Variants in NKAIN3 observed in about 807,000 individuals in gnomAD.
The protein encoded by NKAIN3 is sodium/potassium transporting ATPase interacting 3, also known as sodium/potassium-transporting ATPase subunit beta-1-interacting protein 3.
In NKAIN3, 25 loss-of-function variants were observed where a neutral mutation model predicts 30.2. The ratio of observed to expected loss-of-function variants is 0.83; its 90% CI spans 0.60 to 1.16. The LOEUF (loss-of-function observed/expected upper bound fraction) is 1.16, where lower values mean the gene tolerates loss of function less well. Ranked by LOEUF, NKAIN3 falls within the 50% of genes most tolerant of loss-of-function variation. The pLI, the probability that NKAIN3 is intolerant of heterozygous loss-of-function variation, is 0.00. For missense variants in NKAIN3, 225 were observed against 254.1 expected, an observed-to-expected ratio of 0.89 and a Z score of 0.78; for synonymous variants, 91 against 89.6, an observed-to-expected ratio of 1.02 and a Z score of -0.09.
chr8:62,249,269 G>T, intron 1 of NKAIN3, 142 bp downstream of exon 1: 1 of 712,118 alleles, frequency 1.4e-6, no homozygotes, highest in Non-Finnish European at 2.2e-6. Flanking sequence ...CCTCCCCACC[G>T]CCTGGCTGGG....
intron 1 of NKAIN3, among the ~76,000 whole-genome samples, chr8:62,275,285 T>C (rs1457517096): frequency 6.6e-6 from 1 of 152,200 alleles, no homozygotes; most frequent in East Asian, 1.9e-4. Context: ...AATGATTGCA[T>C]TCTAACTGGT....
intron 1 of NKAIN3, among the ~76,000 whole-genome samples, chr8:62,472,018 A>T (rs929875151): frequency 7.9e-6 from 1 of 126,278 alleles, no homozygotes; most frequent in Non-Finnish European, 1.7e-5. Context: ...GAGCAAGGCA[A>T]GACTCTGTTT....
intron 3 of NKAIN3, among the ~76,000 whole-genome samples, chr8:62,742,884 A>G (rs1260356682): frequency 1.3e-5 from 2 of 152,204 alleles, no homozygotes; most frequent in South Asian, 2.1e-4. Context: ...CAGGAAGCTT[A>G]CAAACATGGT....
intron 3 of NKAIN3, among the ~76,000 whole-genome samples, chr8:62,648,179 C>T (rs1160899493): frequency 6.6e-6 from 1 of 152,072 alleles, no homozygotes; most frequent in African/African-American, 2.4e-5. Context: ...ACTTGTGAGC[C>T]GTCCAAGTAC....
At chr8:62,660,930 TCTC>T (rs1436898691) in intron 3 of NKAIN3, among the ~76,000 whole-genome samples, 1 of 152,130 alleles carries the variant, frequency 6.6e-6, no homozygotes, top group African/African-American at 2.4e-5. Flanking sequence ...TCAGGAGACT[TCTC>T]CTGCTTTTGT....
chr8:62,719,037 A>G (rs1436383149), intron 3 of NKAIN3, among the ~76,000 whole-genome samples: 2 of 152,236 alleles, frequency 1.3e-5, no homozygotes, highest in Non-Finnish European at 2.9e-5. Flanking sequence ...ATTACACTAC[A>G]GTGTGGAAAG....
At chr8:62,671,655 G>A (rs372080058) in intron 3 of NKAIN3, among the ~76,000 whole-genome samples, 2 of 152,034 alleles carry the variant, frequency 1.3e-5, no homozygotes, top group Admixed American at 6.5e-5. Context: ...ATTAGATTGG[G>A]GTGTGTGTGT....
chr8:62,689,945 A>AAAATAAATAAAT (rs77511780), intron 3 of NKAIN3, among the ~76,000 whole-genome samples: 55 of 145,542 alleles, frequency 3.8e-4, no homozygotes, highest in Middle Eastern at 3.5e-3. Flanking sequence ...CACCGCACTG[A>AAAATAAATAAAT]AAATAAATAA....
At chr8:62,800,258 A>G (rs1235099666) in intron 4 of NKAIN3, among the ~76,000 whole-genome samples, 2 of 152,234 alleles carry the variant, frequency 1.3e-5, no homozygotes, top group Non-Finnish European at 2.9e-5. Flanking sequence ...GCCATACTGC[A>G]TATGCAATGG....
At chr8:62,407,401 G>GTTTTTTTT (rs10660478) in intron 1 of NKAIN3, among the ~76,000 whole-genome samples, 5 of 118,652 alleles carry the variant, frequency 4.2e-5, no homozygotes, top group African/African-American at 1.7e-4. Context: ...CTAGATAGTT[G>GTTTTTTTT]TTTTTTTTTT....
intron 3 of NKAIN3, among the ~76,000 whole-genome samples, chr8:62,681,873 A>T (rs1387885431): frequency 6.6e-6 from 1 of 152,230 alleles, no homozygotes; most frequent in African/African-American, 2.4e-5. Flanking sequence ...TCTCAGAGGC[A>T]GGCTGCCTTT....
chr8:62,990,862 A>T (rs1428696970), intron 5 of NKAIN3: 1 of 152,220 alleles, frequency 6.6e-6, no homozygotes, highest in Non-Finnish European at 1.5e-5. Context: ...GTGCCACAAA[A>T]AAATGAACAG....
At chr8:62,590,058 A>G (rs1252287242) in intron 3 of NKAIN3, among the ~76,000 whole-genome samples, 1 of 151,706 alleles carries the variant, frequency 6.6e-6, no homozygotes, top group Non-Finnish European at 1.5e-5. Flanking sequence ...CTGAACTTAC[A>G]GTGTATCCTC....
At chr8:62,250,307 A>G (rs1024667137) in intron 1 of NKAIN3, among the ~76,000 whole-genome samples, 10 of 152,116 alleles carry the variant, frequency 6.6e-5, no homozygotes, top group African/African-American at 2.4e-4. Context: ...TGTGCCCTTC[A>G]TTGTTCACAT....
intron 4 of NKAIN3, among the ~76,000 whole-genome samples, chr8:62,786,189 CA>C (rs1473607246): frequency 6.6e-6 from 1 of 152,108 alleles, no homozygotes; most frequent in Non-Finnish European, 1.5e-5. Context: ...ACTCCCATAA[CA>C]AGTAGTCTTG....
rs1304287292 is a variant in NKAIN3 at position 62,965,987 on chromosome 8, ATAT to A, written c.*584_*586del. The A allele has an allele frequency of 3.8e-5, 37 of 984,896 alleles. No homozygotes were observed. The highest frequency in any genetic ancestry group is 1.7e-5 in the African/African-American group (1 of 57,240). 61.0% of individuals were successfully genotyped at this position (984,896 alleles called of 1,614,324 possible). A position where few individuals can be genotyped will look rare whatever the true frequency, so the allele number is the denominator to read the frequency against. Reference sequence around the variant, plus strand: ...TCCTGACTTCTTAAAACCCAGAACGATATTATGGCAATCTAAATTTTCAGATTC... The same window carrying A: ...TCCTGACTTCTTAAAACCCAGAACGATATGGCAATCTAAATTTTCAGATTC... On this transcript the variant is annotated 3_prime_UTR_variant, in exon 7 of 7. Transcript: ENST00000623646.
chr8:62,909,849 C>G (rs1268550585), intron 4 of NKAIN3, among the ~76,000 whole-genome samples: 3 of 152,034 alleles, frequency 2.0e-5, no homozygotes, highest in Admixed American at 1.3e-4. Context: ...TTTAATATTT[C>G]TAGTATGGCA....
At chr8:62,363,088 C>T (rs1387666996) in intron 1 of NKAIN3, among the ~76,000 whole-genome samples, 1 of 152,184 alleles carries the variant, frequency 6.6e-6, no homozygotes, top group Non-Finnish European at 1.5e-5. Flanking sequence ...TCAGTCCATA[C>T]TTAAGTTTGC....
At chr8:62,994,220 C>T (rs2130935818) in intron 5 of NKAIN3, among the ~76,000 whole-genome samples, 1 of 152,262 alleles carries the variant, frequency 6.6e-6, no homozygotes, top group East Asian at 1.9e-4. Flanking sequence ...CAAATGCCTA[C>T]CAGGGGAAAA....
Sources: allele counts gnomAD v4.1 joint callset (sites outside exome capture counted in the v4.1 genomes callset), GRCh38; gene constraint gnomAD v4.1.1; transcripts MANE v1.5; gene names NCBI Gene and HGNC (gene_info 2026-07-23, HGNC 2026-07-21).